Variants in NF1 observed in about 807,000 individuals in gnomAD.
NF1 encodes the protein neurofibromin 1, also known as neurofibromin.
Under a neutral mutation model 325.7 loss-of-function variants are expected in NF1, and 122 were observed. The ratio of observed to expected loss-of-function variants is 0.37; its 90% CI spans 0.32 to 0.44. The LOEUF (loss-of-function observed/expected upper bound fraction) is 0.44, where lower values mean the gene tolerates loss of function less well. NF1 is among the 20% of genes least tolerant of loss of function. The pLI is 1.00. For missense variants in NF1, 2,140 were observed against 3,415.4 expected, an observed-to-expected ratio of 0.63 and a Z score of 9.31; for synonymous variants, 1,091 against 1,186.0, an observed-to-expected ratio of 0.92 and a Z score of 1.65.
chr17:31,225,944 A>C (rs924488499), intron 17 of NF1, among the ~76,000 whole-genome samples: 1 of 152,190 alleles, frequency 6.6e-6, no homozygotes, highest in East Asian at 1.9e-4. Context: ...TGTATCTTCT[A>C]CAGCAATATT....
At chr17:31,353,177 G>A (rs1242225065) in intron 51 of NF1, among the ~76,000 whole-genome samples, 5 of 152,142 alleles carry the variant, frequency 3.3e-5, no homozygotes, top group Admixed American at 3.3e-4. Context: ...CCAAAGTGCT[G>A]AGATTACAGG....
At position 31,111,215 on chromosome 17, in the gene NF1, GAAAA is replaced by G. The variant is rs572424324; in HGVS notation, c.60+15855_60+15858del. Among the ~76,000 whole-genome samples, 13 of 135,322 alleles carry G rather than the reference GAAAA, an allele frequency of 9.6e-5. No homozygotes were observed. The South Asian group carries it at 1.1e-3, about 12-fold the overall frequency. 88.8% of individuals were successfully genotyped at this position (135,322 alleles called of 152,430 possible). A position where few individuals can be genotyped will look rare whatever the true frequency, so the allele number is the denominator to read the frequency against. ...TAGAAAATATCTAGATAAAAGCACA[GAAAA>G]AAAAAAAAGAATGGAAAGAGTAGAA... On this transcript the variant is annotated intron_variant, in intron 1 of 57. Coordinates refer to ENST00000358273, the MANE Select transcript of NF1 (RefSeq NM_001042492.3).
rs773712266 is a variant in NF1 at position 31,219,070 on chromosome 17, A to G, written c.1593A>G (p.Gln531=). 11 of 1,613,820 alleles carry G rather than the reference A, an allele frequency of 6.8e-6. No homozygotes were observed. Among genetic ancestry groups the G allele is most frequent in the Middle Eastern group, 3.3e-4 (2 of 6,084 alleles). The change falls in exon 14 of 58, where the codon CAA becomes CAG. Residue 531 remains glutamine, a synonymous_variant. Coordinates refer to ENST00000358273, the MANE Select transcript of NF1 (RefSeq NM_001042492.3). The part of the protein sequence containing the change: ...STAELITGLV[Q]LVPQSHMPEI... Reference sequence around the variant, plus strand: ...CAGAATTAATTACAGGGCTCGTCCAACTGGTCCCTCAGTCACACATGCCAG... The same window carrying G: ...CAGAATTAATTACAGGGCTCGTCCAGCTGGTCCCTCAGTCACACATGCCAG...
chr17:31,236,063 T>A (rs1204572985), intron 29 of NF1, 42 bp downstream of exon 29: 4 of 1,490,900 alleles, frequency 2.7e-6, no homozygotes, highest in Non-Finnish European at 3.7e-6. Flanking sequence ...TTTTGTTTTT[T>A]TTTTTTTGTT....
Position 31,217,503 on chromosome 17 carries a change from T to C in NF1, c.1528-1502T>C, listed in dbSNP as rs571386767. Reference sequence around the variant, plus strand: ...TACTTTTAGGAGAGATGGGGTTTCTTCATGTTGGCCAGGCTAGTCTCGAAC... The same window carrying C: ...TACTTTTAGGAGAGATGGGGTTTCTCCATGTTGGCCAGGCTAGTCTCGAAC... On this transcript the variant is annotated intron_variant, in intron 13 of 57. Transcript: ENST00000358273. Among the ~76,000 whole-genome samples, 3 of 151,762 alleles carry C rather than the reference T, an allele frequency of 2.0e-5. No homozygotes were observed. The East Asian group carries it at 5.9e-4, about 30-fold the overall frequency.
At chr17:31,372,899 C>T (rs1018856375) in intron 57 of NF1, among the ~76,000 whole-genome samples, 2 of 152,062 alleles carry the variant, frequency 1.3e-5, no homozygotes, top group Non-Finnish European at 2.9e-5. Context: ...ACCTGTAGTC[C>T]TAGCTGTTTG....
chr17:31,364,908 T>C (rs922734315), intron 57 of NF1, among the ~76,000 whole-genome samples: 1 of 152,200 alleles, frequency 6.6e-6, no homozygotes, highest in Admixed American at 6.5e-5. Context: ...ATTTACTTTA[T>C]GATATATAAG....
chr17:31,146,620 T>C lies in NF1; in HGVS notation c.61-9363T>C, dbSNP rs546549141. Among the ~76,000 whole-genome samples, 6 of 152,338 alleles carry C rather than the reference T, an allele frequency of 3.9e-5. 1 individual carries two copies. The South Asian group carries it at 1.2e-3, about 32-fold the overall frequency. The stretch of plus-strand genomic sequence containing the variant: ...TCAAACTTAGTTTTCAATTGGAAGT[T>C]AATCAGCTTTTTTGTTTTTATCTTT... On this transcript the variant is annotated intron_variant, in intron 1 of 57. Transcript: ENST00000358273.
intron 1 of NF1, among the ~76,000 whole-genome samples, chr17:31,155,430 AC>A (rs2065643366): frequency 6.6e-6 from 1 of 152,102 alleles, no homozygotes; most frequent in South Asian, 2.1e-4. Context: ...AGTGAGTCTT[AC>A]TGTTTTTTCC....
chr17:31,318,338 C>T lies in NF1; in HGVS notation c.4836-7482C>T. On this transcript the variant is annotated intron_variant, in intron 36 of 57. Coordinates refer to ENST00000358273, the MANE Select transcript of NF1 (RefSeq NM_001042492.3). ...TGTTTGTTAGTAAGTTTTTCAGTTCCTTCTTCATCTTTTCTTTCCCTTGTA... is the reference window on the plus strand; with the variant it reads ...TGTTTGTTAGTAAGTTTTTCAGTTCTTTCTTCATCTTTTCTTTCCCTTGTA... 1 of 1,609,656 alleles carries T rather than the reference C, an allele frequency of 6.2e-7. No homozygotes were observed. Among genetic ancestry groups the T allele is most frequent in the Non-Finnish European group, 8.5e-7 (1 of 1,178,816 alleles).
chr17:31,216,949 C>T (rs2066829398), intron 13 of NF1, among the ~76,000 whole-genome samples: 1 of 152,160 alleles, frequency 6.6e-6, no homozygotes, highest in Non-Finnish European at 1.5e-5. Context: ...GGAAGCCTCC[C>T]TGAGTCGGAC....
At chr17:31,207,849 C>T (rs2341348) in intron 12 of NF1, among the ~76,000 whole-genome samples, 98,502 of 151,950 alleles carry the variant, frequency 0.65, 32,311 homozygotes, top group Middle Eastern at 0.81. Context: ...GACTTTTTTG[C>T]TTTAAGTTTA....
chr17:31,111,622 AAAC>A (rs1239346450), intron 1 of NF1, among the ~76,000 whole-genome samples: 1 of 152,212 alleles, frequency 6.6e-6, no homozygotes, highest in African/African-American at 2.4e-5. Context: ...GTTGGCAAAA[AAAC>A]CTGCCAAGCT....
At position 31,296,426 on chromosome 17, in the gene NF1, A is replaced by G. The variant is rs778183770; in HGVS notation, c.4836-29394A>G. The G allele has an allele frequency of 5.4e-5, 68 of 1,249,724 alleles. No individual in the cohort carries two copies. In the East Asian group the frequency reaches 9.5e-4, roughly 17 times the overall value. 77.4% of individuals were successfully genotyped at this position (1,249,724 alleles called of 1,614,324 possible). ...CAGTTAGCATTAGGCAAAATTTTCAATAAACCTCGTTGTTGTCGAGTCCTT... is the reference window on the plus strand; with the variant it reads ...CAGTTAGCATTAGGCAAAATTTTCAGTAAACCTCGTTGTTGTCGAGTCCTT... On this transcript the variant is annotated intron_variant, in intron 36 of 57. Coordinates refer to ENST00000358273, the MANE Select transcript of NF1 (RefSeq NM_001042492.3).
chr17:31,369,173 T>C (rs907487653), intron 57 of NF1, among the ~76,000 whole-genome samples: 2 of 152,188 alleles, frequency 1.3e-5, no homozygotes, highest in Admixed American at 1.3e-4. Flanking sequence ...GACTAAAAAA[T>C]TGTCAGGCTG....
At chr17:31,120,883 CAA>C (rs1914366781) in intron 1 of NF1, among the ~76,000 whole-genome samples, 1 of 151,948 alleles carries the variant, frequency 6.6e-6, no homozygotes, top group Non-Finnish European at 1.5e-5. Context: ...TGTTTCAAAT[CAA>C]AAGTTAAAGA....
chr17:31,332,529 T>C (rs1160102827), intron 39 of NF1, among the ~76,000 whole-genome samples: 1 of 151,674 alleles, frequency 6.6e-6, no homozygotes, highest in African/African-American at 2.4e-5. Context: ...TGAAGGGTGC[T>C]GACCGATTAA....
In NF1 at chr17:31,235,624, G is replaced by A. The variant is rs543387071; in HGVS notation, c.3722G>A (p.Arg1241Gln). The A allele has an allele frequency of 5.0e-6, 8 of 1,613,916 alleles. No individual in the cohort carries two copies. The highest frequency in any genetic ancestry group is 1.3e-5 in the African/African-American group (1 of 74,908). The change falls in exon 28 of 58, where the codon CGA (arginine) becomes CAA (glutamine). Residue 1241 changes from arginine (R) to glutamine (Q), a missense_variant. Coordinates refer to ENST00000358273, the MANE Select transcript of NF1 (RefSeq NM_001042492.3). ...VPCSQWDELARVLVTLFDSRH... is the reference protein window; with the variant it reads ...VPCSQWDELAQVLVTLFDSRH... ...TTTTGTTCTCAGGATGAACTAGCTC[G>A]AGTTCTGGTTACTCTGTTTGATTCT...
At chr17:31,151,639 G>A (rs1457726795) in intron 1 of NF1, among the ~76,000 whole-genome samples, 1 of 152,028 alleles carries the variant, frequency 6.6e-6, no homozygotes, top group Non-Finnish European at 1.5e-5. Flanking sequence ...ATCCTCCTGT[G>A]TACTTTAAAT....
Sources: allele counts gnomAD v4.1 joint callset (sites outside exome capture counted in the v4.1 genomes callset), GRCh38; gene constraint gnomAD v4.1.1; transcripts MANE v1.5; gene names NCBI Gene and HGNC (gene_info 2026-07-23, HGNC 2026-07-21).